The following CTNNA2 variants were observed in gnomAD, a reference collection of about 807,000 sequenced individuals.
CTNNA2 encodes the protein catenin alpha-2.
Under a neutral mutation model 101.0 loss-of-function variants are expected in CTNNA2, and 42 were observed. The ratio of observed to expected loss-of-function variants is 0.42; its 90% confidence interval spans 0.32 to 0.54. CTNNA2 has a LOEUF of 0.54. CTNNA2 is among the 20% of genes least tolerant of loss of function. CTNNA2 has a pLI of 0.14. For missense variants in CTNNA2, 871 were observed against 1,223.1 expected, an observed-to-expected ratio of 0.71 and a Z score of 4.29; for synonymous variants, 450 against 456.4, an observed-to-expected ratio of 0.99 and a Z score of 0.18.
intron 7 of CTNNA2, among the ~76,000 whole-genome samples, chr2:80,333,025 T>A (rs1671472682): frequency 6.6e-6 from 1 of 152,220 alleles, no homozygotes; most frequent in South Asian, 2.1e-4. Flanking sequence ...AACACAGCCA[T>A]ACCTATTTGT....
chr2:79,314,128 A>G (rs1676443595), intron 3 of CTNNA2, among the ~76,000 whole-genome samples: 1 of 152,128 alleles, frequency 6.6e-6, no homozygotes, highest in South Asian at 2.1e-4. Context: ...CAGGCCCTCT[A>G]GACTCAGCCA....
chr2:80,150,306 C>T (rs78574214), intron 7 of CTNNA2, among the ~76,000 whole-genome samples: 1 of 152,118 alleles, frequency 6.6e-6, no homozygotes, highest in South Asian at 2.1e-4. Flanking sequence ...ACTTTACATC[C>T]TCTCAGGGAC....
intron 16 of CTNNA2, among the ~76,000 whole-genome samples, chr2:80,607,163 T>C (rs1158013124): frequency 1.3e-5 from 2 of 151,890 alleles, no homozygotes; most frequent in African/African-American, 2.4e-5. Context: ...CTCAGAGTCT[T>C]TCTCCCATCC....
At chr2:80,501,918 T>G (rs569346529) in intron 9 of CTNNA2, among the ~76,000 whole-genome samples, 1 of 152,292 alleles carries the variant, frequency 6.6e-6, no homozygotes, top group Middle Eastern at 3.4e-3. Flanking sequence ...TTCAGTGCAC[T>G]GAAATGCTGA....
chr2:80,023,747 G>A (rs1407665870), intron 7 of CTNNA2, among the ~76,000 whole-genome samples: 2 of 152,142 alleles, frequency 1.3e-5, no homozygotes, highest in Non-Finnish European at 2.9e-5. Context: ...CTACATTGGG[G>A]ATACAAAATT....
intron 1 of CTNNA2, among the ~76,000 whole-genome samples, chr2:79,621,333 G>A (rs1678985939): frequency 6.6e-6 from 1 of 152,094 alleles, no homozygotes; most frequent in Admixed American, 6.6e-5. Flanking sequence ...CGGAGAAATG[G>A]CTTATTCTCC....
At chr2:80,218,177 C>T (rs1303804813) in intron 7 of CTNNA2, among the ~76,000 whole-genome samples, 1 of 152,220 alleles carries the variant, frequency 6.6e-6, no homozygotes, top group East Asian at 1.9e-4. Flanking sequence ...AAAACTCTCT[C>T]TCTTGACTAC....
At chr2:80,483,390 A>G (rs1457123868) in intron 9 of CTNNA2, among the ~76,000 whole-genome samples, 1 of 148,176 alleles carries the variant, frequency 6.7e-6, no homozygotes, top group Non-Finnish European at 1.5e-5. Context: ...ATATATATTT[A>G]CATATGTATA....
intron 7 of CTNNA2, 54 bp from the exon 8 acceptor site, chr2:80,393,157 A>G: frequency 3.8e-6 from 5 of 1,331,872 alleles, no homozygotes; most frequent in Middle Eastern, 4.2e-4. Flanking sequence ...TAAATTTTTA[A>G]TGTCTCTAAC....
intron 7 of CTNNA2, among the ~76,000 whole-genome samples, chr2:80,077,291 A>G (rs1489430950): frequency 1.3e-5 from 2 of 152,208 alleles, no homozygotes; most frequent in East Asian, 3.8e-4. Context: ...AGTAAAATAA[A>G]AACTATATAT....
At chr2:80,587,099 C>A (rs968689723) in intron 14 of CTNNA2, among the ~76,000 whole-genome samples, 1 of 152,046 alleles carries the variant, frequency 6.6e-6, no homozygotes, top group Non-Finnish European at 1.5e-5. Flanking sequence ...GATCTTAGTT[C>A]AGGTGGGTTT....
chr2:79,931,326 T>TG (rs1687427054), intron 7 of CTNNA2, among the ~76,000 whole-genome samples: 1 of 152,182 alleles, frequency 6.6e-6, no homozygotes, highest in Non-Finnish European at 1.5e-5. Flanking sequence ...TTATGAAGAA[T>TG]GGGTTTCTTT....
intron 1 of CTNNA2, among the ~76,000 whole-genome samples, chr2:79,600,680 T>C (rs959235797): frequency 3.3e-5 from 5 of 152,214 alleles, no homozygotes; most frequent in African/African-American, 1.2e-4. Context: ...TGTGTCTTAG[T>C]TTGGGCTCCT....
chr2:79,608,619 T>G (rs2104168077), intron 1 of CTNNA2, among the ~76,000 whole-genome samples: 1 of 152,154 alleles, frequency 6.6e-6, no homozygotes, highest in African/African-American at 2.4e-5. Context: ...GGAAACCAAT[T>G]AGTGTAATCA....
intron 2 of CTNNA2, among the ~76,000 whole-genome samples, chr2:79,740,928 T>G (rs900316427): frequency 6.6e-5 from 10 of 152,112 alleles, no homozygotes; most frequent in Admixed American, 5.2e-4. Context: ...ACTTTCAGAA[T>G]TTTAGGTGTA....
At chr2:79,844,626 C>T (rs767944537) in intron 3 of CTNNA2, among the ~76,000 whole-genome samples, 20 of 152,070 alleles carry the variant, frequency 1.3e-4, no homozygotes, top group Admixed American at 3.9e-4. Flanking sequence ...GGCCTCTTGG[C>T]CTCAGAAATC....
chr2:80,013,411 C>T (rs1223765682), intron 7 of CTNNA2, among the ~76,000 whole-genome samples: 1 of 152,150 alleles, frequency 6.6e-6, no homozygotes, highest in Non-Finnish European at 1.5e-5. Context: ...CTGCAGCTAT[C>T]TTTTAAGTGA....
intron 8 of CTNNA2, among the ~76,000 whole-genome samples, chr2:80,415,715 A>C (rs1559090622): frequency 6.6e-6 from 1 of 152,180 alleles, no homozygotes; most frequent in Admixed American, 6.5e-5. Flanking sequence ...AATATCTCAG[A>C]GATATCTGCA....
intron 7 of CTNNA2, among the ~76,000 whole-genome samples, chr2:80,204,724 T>C (rs1439823444): frequency 6.6e-6 from 1 of 152,186 alleles, no homozygotes; most frequent in Non-Finnish European, 1.5e-5. Flanking sequence ...TTCCATGTTT[T>C]TGGGTATCTT....
Sources: gnomAD v4.1 joint callset for allele counts (sites outside exome capture counted in the v4.1 genomes callset) on GRCh38, gnomAD v4.1.1 for gene constraint, MANE v1.5 for transcripts, NCBI Gene and HGNC (gene_info 2026-07-23, HGNC 2026-07-21) for gene names.